CD2AP: variants seen among roughly 807,000 people sequenced by gnomAD.
CD2AP encodes the protein CD2-associated protein.
Under a neutral mutation model 85.1 loss-of-function variants are expected in CD2AP, and 46 were observed. That is an observed-to-expected ratio of 0.54 (90% CI 0.43 to 0.69). CD2AP has a LOEUF of 0.69. Ranked by LOEUF, CD2AP falls within the 30% of genes least tolerant of loss-of-function variation. The probability of loss-of-function intolerance (pLI) is 0.00; values close to 1 mark genes in which losing one functional copy is unlikely to be tolerated. For missense variants in CD2AP, 769 were observed against 729.5 expected (o/e 1.05, Z -0.62); for synonymous variants, 255 against 252.9 (o/e 1.01, Z -0.08).
At chr6:47,529,665 G>A (rs1320669188) in intron 2 of CD2AP, among the ~76,000 whole-genome samples, 1 of 152,184 alleles carries the variant, frequency 6.6e-6, no homozygotes, top group African/African-American at 2.4e-5. Context: ...GTTTGGTGAT[G>A]TTTTTGTGAC....
At chr6:47,602,108 T>C (rs1046841424) in intron 13 of CD2AP, among the ~76,000 whole-genome samples, 1 of 152,026 alleles carries the variant, frequency 6.6e-6, no homozygotes, top group Non-Finnish European at 1.5e-5. Flanking sequence ...TTCACAGATA[T>C]GATTTTCTTA....
intron 9 of CD2AP, among the ~76,000 whole-genome samples, chr6:47,580,158 A>C: frequency 6.6e-6 from 1 of 152,220 alleles, no homozygotes; most frequent in Non-Finnish European, 1.5e-5. Flanking sequence ...GTTAGATTGC[A>C]TTCAGTATTG....
At chr6:47,500,541 T>C (rs1765972097) in intron 1 of CD2AP, among the ~76,000 whole-genome samples, 1 of 152,214 alleles carries the variant, frequency 6.6e-6, no homozygotes, top group African/African-American at 2.4e-5. Context: ...AACTACTTCA[T>C]GTAACGAATC....
Position 47,609,127 on chromosome 6 carries a change from C to G in CD2AP, c.1637C>G (p.Ser546Cys), listed in dbSNP as rs772396255. 2.5e-6 allele frequency: 4 copies of G among 1,610,486 alleles called. No individual in the cohort carries two copies. In the East Asian group the frequency reaches 6.7e-5, roughly 27 times the overall value. Reference protein sequence around the residue: ...KKDTCYSPKPSVYLSTPSSAS... With the variant: ...KKDTCYSPKPCVYLSTPSSAS... Reference sequence around the variant, plus strand: ...ATTTTTTTTTTACGTTTTCAGCCATCTGTGTACCTTTCAACACCTTCCAGT... The same window carrying G: ...ATTTTTTTTTTACGTTTTCAGCCATGTGTGTACCTTTCAACACCTTCCAGT... The change falls in exon 16 of 18, where the codon TCT becomes TGT. Residue 546 changes from serine to cysteine, a missense_variant. By Grantham distance (112) the Ser-to-Cys change is moderately radical. Transcript: ENST00000359314.
In CD2AP at chr6:47,477,865, G is replaced by A. The variant is rs921902509; in HGVS notation, c.-380G>A. ...GTGCTAAGGAAGAGGCGAGGGGCGGGCTCCGAGGCTAGGCGGGCGCTCGGG... is the reference window on the plus strand; with the variant it reads ...GTGCTAAGGAAGAGGCGAGGGGCGGACTCCGAGGCTAGGCGGGCGCTCGGG... On this transcript the variant is annotated 5_prime_UTR_variant, in exon 1 of 18. Transcript: ENST00000359314. 8.9e-6 allele frequency: 3 copies of A among 338,370 alleles called. No homozygotes were observed. The highest frequency in any genetic ancestry group is 1.6e-5 in the Non-Finnish European group (3 of 184,272). 21.0% of individuals were successfully genotyped at this position (338,370 alleles called of 1,614,324 possible).
chr6:47,543,111 A>T (rs1207257), intron 3 of CD2AP, among the ~76,000 whole-genome samples: 1 of 133,376 alleles, frequency 7.5e-6, no homozygotes, highest in Non-Finnish European at 1.5e-5. Context: ...AGATTGCGCC[A>T]CCGCACTCCA....
chr6:47,478,815 G>A (rs1049608785), intron 1 of CD2AP, among the ~76,000 whole-genome samples: 1 of 152,092 alleles, frequency 6.6e-6, no homozygotes, highest in Non-Finnish European at 1.5e-5. Context: ...CTAGGCAAGT[G>A]TGTTGGCACC....
rs139912021 is a variant in CD2AP at position 47,546,012 on chromosome 6, T to G, written c.420+1306T>G. 3.6e-3 allele frequency among the ~76,000 whole-genome samples: 547 copies of G among 152,102 alleles called. 2 individuals carry two copies. The highest frequency in any genetic ancestry group is 0.012 in the African/African-American group (518 of 41,492). ...GGTATCCAAACCAAGAAGAAATCCC[T>G]GATTTACCTGAAAAAGAATTCAGAA... On this transcript the variant is annotated intron_variant, in intron 4 of 17. Transcript: ENST00000359314.
At chr6:47,605,128 A>G (rs1769234955) in intron 13 of CD2AP, among the ~76,000 whole-genome samples, 1 of 152,058 alleles carries the variant, frequency 6.6e-6, no homozygotes, top group African/African-American at 2.4e-5. Context: ...TATTATAAAC[A>G]TCTAGGCAGA....
intron 13 of CD2AP, among the ~76,000 whole-genome samples, chr6:47,601,008 G>T (rs1259765795): frequency 6.6e-6 from 1 of 151,790 alleles, no homozygotes; most frequent in East Asian, 1.9e-4. Context: ...TATTCATCTT[G>T]AATGTTTTAC....
intron 2 of CD2AP, among the ~76,000 whole-genome samples, chr6:47,510,704 A>G (rs1009239546): frequency 7.9e-5 from 12 of 152,292 alleles, no homozygotes; most frequent in African/African-American, 2.6e-4. Flanking sequence ...CCAAGTGATA[A>G]TTCTAAATAC....
intron 2 of CD2AP, among the ~76,000 whole-genome samples, chr6:47,510,884 C>G (rs1183312327): frequency 6.6e-6 from 1 of 151,766 alleles, no homozygotes; most frequent in Non-Finnish European, 1.5e-5. Context: ...ACCATCCTGG[C>G]CAACATGGTG....
intron 5 of CD2AP, among the ~76,000 whole-genome samples, chr6:47,561,074 A>G (rs958639908): frequency 6.6e-6 from 1 of 152,174 alleles, no homozygotes; most frequent in Non-Finnish European, 1.5e-5. Context: ...TGATAACTGT[A>G]TGATTTTGCT....
At chr6:47,592,405 G>A (rs944071334) in intron 11 of CD2AP, among the ~76,000 whole-genome samples, 1 of 152,038 alleles carries the variant, frequency 6.6e-6, no homozygotes. Context: ...GAAAACAAGA[G>A]TAAATCTTCA....
chr6:47,561,759 G>T (rs1242433920), intron 5 of CD2AP, among the ~76,000 whole-genome samples: 2 of 152,078 alleles, frequency 1.3e-5, no homozygotes, highest in Non-Finnish European at 2.9e-5. Flanking sequence ...ATGAGTAATT[G>T]AGTTTGCTTT....
At chr6:47,594,079 A>G (rs1296295722) in intron 11 of CD2AP, among the ~76,000 whole-genome samples, 1 of 152,138 alleles carries the variant, frequency 6.6e-6, no homozygotes, top group Admixed American at 6.6e-5. Context: ...GAAGTATCCA[A>G]AATGGGTAAA....
At chr6:47,617,854 G>T (rs1769633872) in intron 17 of CD2AP, among the ~76,000 whole-genome samples, 2 of 152,088 alleles carry the variant, frequency 1.3e-5, no homozygotes, top group African/African-American at 2.4e-5. Context: ...TTCTTTACTT[G>T]CTGATTCTCC....
chr6:47,525,463 C>A (rs938546424), intron 2 of CD2AP, among the ~76,000 whole-genome samples: 1 of 152,060 alleles, frequency 6.6e-6, no homozygotes, highest in African/African-American at 2.4e-5. Context: ...TGACTTCTCA[C>A]CTGGTTTTTA....
chr6:47,580,364 T>C (rs1271240075), intron 9 of CD2AP, among the ~76,000 whole-genome samples: 1 of 152,150 alleles, frequency 6.6e-6, no homozygotes, highest in Non-Finnish European at 1.5e-5. Flanking sequence ...AGAAAAAACA[T>C]GTCTTTGCCT....
Sources: gnomAD v4.1 joint callset for allele counts (sites outside exome capture counted in the v4.1 genomes callset) on GRCh38, gnomAD v4.1.1 for gene constraint, MANE v1.5 for transcripts, NCBI Gene and HGNC (gene_info 2026-07-23, HGNC 2026-07-21) for gene names.